Variants in ATP9B observed in about 807,000 individuals in gnomAD.
The protein encoded by ATP9B is probable phospholipid-transporting ATPase IIB.
Under a neutral mutation model 146.1 loss-of-function variants are expected in ATP9B, and 110 were observed. The observed-to-expected ratio is 0.75, with a 90% CI of 0.65 to 0.88. The LOEUF (loss-of-function observed/expected upper bound fraction) is 0.88, where lower values mean the gene tolerates loss of function less well. Among genes scored for constraint, ATP9B ranks in the 40% least tolerant of loss-of-function variants. The probability of loss-of-function intolerance (pLI) is 0.00; values close to 1 mark genes in which losing one functional copy is unlikely to be tolerated. For missense variants in ATP9B, 1,499 were observed against 1,496.4 expected, an observed-to-expected ratio of 1.00 and a Z score of -0.03; for synonymous variants, 604 against 569.7, an observed-to-expected ratio of 1.06 and a Z score of -0.86.
At chr18:79,231,776 G>GTATA (rs1217766089) in intron 11 of ATP9B, among the ~76,000 whole-genome samples, 7 of 95,002 alleles carry the variant, frequency 7.4e-5, no homozygotes, top group Admixed American at 4.5e-4. Context: ...ATGTGTGTGT[G>GTATA]TGTATATATA....
intron 8 of ATP9B, among the ~76,000 whole-genome samples, chr18:79,186,055 T>C (rs1352943988): frequency 2.0e-5 from 3 of 152,220 alleles, no homozygotes; most frequent in Admixed American, 6.5e-5. Flanking sequence ...TTTCAGGCGT[T>C]GTAGACATTT....
intron 11 of ATP9B, among the ~76,000 whole-genome samples, chr18:79,252,030 A>T (rs1226209585): frequency 6.6e-6 from 1 of 152,230 alleles, no homozygotes; most frequent in Non-Finnish European, 1.5e-5. Flanking sequence ...TCACCCTGGC[A>T]CCTCTGCCCT....
intron 11 of ATP9B, among the ~76,000 whole-genome samples, chr18:79,237,468 T>A (rs1033748038): frequency 3.3e-5 from 5 of 152,268 alleles, no homozygotes; most frequent in African/African-American, 1.2e-4. Context: ...GGTCTGCTGA[T>A]CCCTTTCTTT....
chr18:79,288,135 G>A (rs533364993), intron 13 of ATP9B, among the ~76,000 whole-genome samples: 19 of 150,844 alleles, frequency 1.3e-4, no homozygotes, highest in South Asian at 8.5e-4. Context: ...TATTAGGTCC[G>A]CTTGGTGCAG....
chr18:79,339,638 G>A (rs904263092), intron 19 of ATP9B, among the ~76,000 whole-genome samples: 5 of 150,292 alleles, frequency 3.3e-5, no homozygotes, highest in African/African-American at 1.2e-4. Flanking sequence ...GTGTCAGGAG[G>A]CTGTATCATA....
At chr18:79,298,356 T>G (rs1036154591) in intron 13 of ATP9B, among the ~76,000 whole-genome samples, 1 of 146,000 alleles carries the variant, frequency 6.8e-6, no homozygotes, top group African/African-American at 2.5e-5. Context: ...TACGGTGCCG[T>G]TTATAATTCC....
intron 1 of ATP9B, among the ~76,000 whole-genome samples, chr18:79,081,614 A>G (rs563750751): frequency 6.7e-6 from 1 of 148,794 alleles, no homozygotes; most frequent in South Asian, 2.1e-4. Flanking sequence ...AGATAGAGAC[A>G]CGAAAAACCC....
chr18:79,141,100 T>C (rs375079670), intron 5 of ATP9B, among the ~76,000 whole-genome samples: 21 of 152,296 alleles, frequency 1.4e-4, no homozygotes, highest in African/African-American at 4.3e-4. Context: ...CCATGTGTCA[T>C]GGGAGGGACC....
At chr18:79,278,207 A>T (rs766707268) in intron 13 of ATP9B, among the ~76,000 whole-genome samples, 8 of 152,238 alleles carry the variant, frequency 5.3e-5, no homozygotes, top group Non-Finnish European at 1.0e-4. Context: ...ACACAGAGGC[A>T]GGAACCTGAG....
intron 13 of ATP9B, among the ~76,000 whole-genome samples, chr18:79,291,828 A>G (rs2096506495): frequency 6.6e-6 from 1 of 152,110 alleles, no homozygotes; most frequent in Non-Finnish European, 1.5e-5. Flanking sequence ...CTCTTATTCC[A>G]CTCTCACCAC....
chr18:79,309,465 G>A (rs1239150536), intron 15 of ATP9B, among the ~76,000 whole-genome samples: 3 of 144,704 alleles, frequency 2.1e-5, no homozygotes, highest in African/African-American at 5.2e-5. Context: ...AAGGTCAGGG[G>A]TTGAGGAGTG....
chr18:79,155,596 T>C (rs1489627561), intron 7 of ATP9B, among the ~76,000 whole-genome samples: 2 of 152,092 alleles, frequency 1.3e-5, no homozygotes, highest in African/African-American at 2.4e-5. Context: ...AAGCATGTTA[T>C]TATTTTTATT....
intron 6 of ATP9B, among the ~76,000 whole-genome samples, chr18:79,149,074 T>C (rs2094640389): frequency 6.6e-6 from 1 of 152,230 alleles, no homozygotes; most frequent in Non-Finnish European, 1.5e-5. Context: ...GCATTCTGCA[T>C]TCCAGTTTTC....
chr18:79,231,778 G>GTATATATATA (rs781387419), intron 11 of ATP9B, among the ~76,000 whole-genome samples: 12 of 121,296 alleles, frequency 9.9e-5, no homozygotes, highest in African/African-American at 3.3e-4. Flanking sequence ...GTGTGTGTGT[G>GTATATATATA]TATATATATA....
chr18:79,133,214 AT>A (rs1462592376), intron 5 of ATP9B, among the ~76,000 whole-genome samples: 1 of 152,208 alleles, frequency 6.6e-6, no homozygotes, highest in East Asian at 1.9e-4. Context: ...TACTTAAATC[AT>A]TTTTGTTTCC....
chr18:79,081,158 C>T (rs2073220671), intron 1 of ATP9B, among the ~76,000 whole-genome samples: 1 of 152,164 alleles, frequency 6.6e-6, no homozygotes, highest in Admixed American at 6.5e-5. Flanking sequence ...AGGAGTCCCT[C>T]TTTTTCTGTT....
intron 8 of ATP9B, among the ~76,000 whole-genome samples, chr18:79,186,316 G>A (rs1203689463): frequency 1.3e-5 from 2 of 152,126 alleles, no homozygotes; most frequent in Non-Finnish European, 2.9e-5. Flanking sequence ...TGACCTCACA[G>A]CAGAGGCTTT....
At chr18:79,209,351 A>C (rs2095562977) in intron 10 of ATP9B, among the ~76,000 whole-genome samples, 1 of 152,280 alleles carries the variant, frequency 6.6e-6, no homozygotes, top group South Asian at 2.1e-4. Flanking sequence ...TCGTGAAGAT[A>C]GTAATGCTTC....
In ATP9B at chr18:79,271,709, T is replaced by G. The variant is rs373702749; in HGVS notation, c.1269-5345T>G. Among the ~76,000 whole-genome samples, 339 of 151,956 alleles carry G rather than the reference T, an allele frequency of 2.2e-3. 2 individuals carry two copies. The highest frequency in any genetic ancestry group is 5.4e-3 in the South Asian group (26 of 4,788). ...TGCCGCAATAAACATACGTGTGCAT[T>G]TGTCTTTATAGCAGCATGATTTATA... is the stretch of plus-strand genomic sequence containing the variant. On this transcript the variant is annotated intron_variant, in intron 12 of 29. Transcript: ENST00000426216.
Sources: gnomAD v4.1 joint callset for allele counts (sites outside exome capture counted in the v4.1 genomes callset) on GRCh38, gnomAD v4.1.1 for gene constraint, MANE v1.5 for transcripts, NCBI Gene and HGNC (gene_info 2026-07-23, HGNC 2026-07-21) for gene names.